Variants in PTPRD observed in about 807,000 individuals in gnomAD.
PTPRD encodes the protein receptor-type tyrosine-protein phosphatase delta.
In PTPRD, 34 loss-of-function variants were observed where a neutral mutation model predicts 214.5. The observed-to-expected ratio is 0.16, with a 90% CI of 0.12 to 0.21. The LOEUF (loss-of-function observed/expected upper bound fraction) is 0.21, where lower values mean the gene tolerates loss of function less well. PTPRD is among the 10% of genes least tolerant of loss of function. PTPRD has a pLI of 1.00. For missense variants in PTPRD, 2,545 were observed against 2,398.7 expected (o/e 1.06, Z -1.27); for synonymous variants, 1,128 against 845.7 (o/e 1.33, Z -5.79).
intron 2 of PTPRD, among the ~76,000 whole-genome samples, chr9:10,509,581 T>TATATA (rs1566622187): frequency 3.4e-5 from 2 of 58,970 alleles, no homozygotes; most frequent in African/African-American, 1.5e-4. Context: ...ATATATATAT[T>TATATA]TTACTCACTT....
chr9:10,140,559 A>G (rs2098976915), intron 3 of PTPRD, among the ~76,000 whole-genome samples: 1 of 152,122 alleles, frequency 6.6e-6, no homozygotes, highest in Admixed American at 6.6e-5. Context: ...GAAGGAGTTG[A>G]ATCTCTGAAT....
chr9:9,167,245 C>G (rs900007071), intron 10 of PTPRD, among the ~76,000 whole-genome samples: 1 of 151,830 alleles, frequency 6.6e-6, no homozygotes, highest in African/African-American at 2.4e-5. Flanking sequence ...TAGTAATGCT[C>G]TTCCATTTCT....
chr9:8,414,100 A>C (rs1004775014), intron 35 of PTPRD, among the ~76,000 whole-genome samples: 1 of 152,194 alleles, frequency 6.6e-6, no homozygotes, highest in African/African-American at 2.4e-5. Flanking sequence ...CACAGCAACA[A>C]TTACTTTTAC....
chr9:9,598,042 C>T (rs929302908), intron 7 of PTPRD, among the ~76,000 whole-genome samples: 3 of 151,922 alleles, frequency 2.0e-5, no homozygotes, highest in Admixed American at 6.6e-5. Context: ...GCCACTTGTA[C>T]AGGACTTAAG....
chr9:10,486,682 T>A (rs2099134836), intron 2 of PTPRD, among the ~76,000 whole-genome samples: 1 of 152,222 alleles, frequency 6.6e-6, no homozygotes, highest in African/African-American at 2.4e-5. Flanking sequence ...CTGATATTAT[T>A]TCAATTTTTT....
intron 5 of PTPRD, among the ~76,000 whole-genome samples, chr9:9,861,199 T>C (rs2062683263): frequency 6.6e-6 from 1 of 152,236 alleles, no homozygotes. Flanking sequence ...GTAAATATTC[T>C]ATTACCCCAC....
At chr9:9,332,170 A>G (rs2042566122) in intron 9 of PTPRD, among the ~76,000 whole-genome samples, 1 of 152,102 alleles carries the variant, frequency 6.6e-6, no homozygotes, top group Non-Finnish European at 1.5e-5. Context: ...GGATATCTCA[A>G]ATATATATTT....
intron 3 of PTPRD, among the ~76,000 whole-genome samples, chr9:10,319,636 G>T (rs1187722286): frequency 2.6e-5 from 4 of 152,014 alleles, no homozygotes; most frequent in East Asian, 3.9e-4. Flanking sequence ...TAACGGAATG[G>T]ATATACAGGA....
intron 7 of PTPRD, among the ~76,000 whole-genome samples, chr9:9,650,409 C>G (rs1351722857): frequency 6.6e-6 from 1 of 152,100 alleles, no homozygotes; most frequent in Non-Finnish European, 1.5e-5. Flanking sequence ...CCTTGTTTCC[C>G]TACTTGATTA....
intron 5 of PTPRD, among the ~76,000 whole-genome samples, chr9:9,842,810 AC>A (rs2058654642): frequency 1.3e-5 from 2 of 151,820 alleles, no homozygotes; most frequent in African/African-American, 4.8e-5. Flanking sequence ...ATGTCTTTTT[AC>A]GTATTTTATT....
At chr9:10,507,805 G>A (rs1428863807) in intron 2 of PTPRD, among the ~76,000 whole-genome samples, 1 of 152,064 alleles carries the variant, frequency 6.6e-6, no homozygotes, top group Non-Finnish European at 1.5e-5. Flanking sequence ...AATTCAAGGT[G>A]GATTAAAGAC....
chr9:8,635,683 C>A (rs2096407644), intron 13 of PTPRD, among the ~76,000 whole-genome samples: 1 of 151,920 alleles, frequency 6.6e-6, no homozygotes, highest in Non-Finnish European at 1.5e-5. Context: ...TTTAATCTGC[C>A]AAACTGTAAA....
At chr9:8,779,361 C>G (rs1427864055) in intron 11 of PTPRD, among the ~76,000 whole-genome samples, 3 of 152,030 alleles carry the variant, frequency 2.0e-5, no homozygotes, top group African/African-American at 4.8e-5. Flanking sequence ...GAAAACATCT[C>G]TCAGTTATCT....
At chr9:10,231,031 A>G (rs1453604779) in intron 3 of PTPRD, among the ~76,000 whole-genome samples, 1 of 151,940 alleles carries the variant, frequency 6.6e-6, no homozygotes, top group East Asian at 1.9e-4. Context: ...TACCTGACAA[A>G]ATAACCTCCT....
chr9:9,214,288 C>T (rs527370100), intron 9 of PTPRD, among the ~76,000 whole-genome samples: 26 of 152,172 alleles, frequency 1.7e-4, no homozygotes, highest in Non-Finnish European at 3.4e-4. Context: ...CAGTGGAAAG[C>T]TGAAAAAGAG....
intron 12 of PTPRD, among the ~76,000 whole-genome samples, chr9:8,658,944 T>A (rs1384085016): frequency 6.6e-6 from 1 of 152,148 alleles, no homozygotes; most frequent in Admixed American, 6.5e-5. Context: ...CCAGCTTTAG[T>A]GCCAATTTTT....
chr9:9,010,045 T>A (rs541941566), intron 11 of PTPRD, among the ~76,000 whole-genome samples: 9 of 152,260 alleles, frequency 5.9e-5, no homozygotes, highest in African/African-American at 2.2e-4. Flanking sequence ...TGGAAATTTT[T>A]AGGAGTTGCC....
At chr9:10,356,315 A>G (rs1371259793) in intron 2 of PTPRD, among the ~76,000 whole-genome samples, 2 of 152,136 alleles carry the variant, frequency 1.3e-5, no homozygotes, top group South Asian at 2.1e-4. Flanking sequence ...CCAAAGGTCA[A>G]TCTGATGACT....
At chr9:8,436,907 A>G (rs2095373472) in intron 34 of PTPRD, among the ~76,000 whole-genome samples, 1 of 152,226 alleles carries the variant, frequency 6.6e-6, no homozygotes, top group Admixed American at 6.5e-5. Context: ...ACCAAGCATA[A>G]TCTCCAAACT....
Sources: allele counts gnomAD v4.1 joint callset (sites outside exome capture counted in the v4.1 genomes callset), GRCh38; gene constraint gnomAD v4.1.1; transcripts MANE v1.5; gene names NCBI Gene and HGNC (gene_info 2026-07-23, HGNC 2026-07-21).